Variants in RSPO2 observed in about 807,000 individuals in gnomAD.
RSPO2 encodes R-spondin 2.
Under a neutral mutation model 30.9 loss-of-function variants are expected in RSPO2, and 14 were observed. That is an observed-to-expected ratio of 0.45 (90% CI 0.30 to 0.71). The LOEUF is 0.71. RSPO2 is among the 30% of genes least tolerant of loss of function. The pLI is 0.08. For missense variants in RSPO2, 264 were observed against 301.9 expected, an observed-to-expected ratio of 0.87 and a Z score of 0.93; for synonymous variants, 107 against 96.4, an observed-to-expected ratio of 1.11 and a Z score of -0.64.
intron 5 of RSPO2, among the ~76,000 whole-genome samples, chr8:107,953,882 C>CAT (rs945068234): frequency 9.2e-5 from 14 of 152,316 alleles, no homozygotes; most frequent in Middle Eastern, 3.4e-3. Context: ...GATCACTCTA[C>CAT]ATAACATAGT....
chr8:108,027,504 C>T (rs1262944197), intron 2 of RSPO2, among the ~76,000 whole-genome samples: 1 of 152,062 alleles, frequency 6.6e-6, no homozygotes, highest in Admixed American at 6.6e-5. Flanking sequence ...TTTCAAGAAA[C>T]TTACTAGAAA....
At chr8:107,982,527 T>C (rs868451996) in intron 3 of RSPO2, among the ~76,000 whole-genome samples, 1 of 152,174 alleles carries the variant, frequency 6.6e-6, no homozygotes, top group Non-Finnish European at 1.5e-5. Context: ...TTATGTCTCC[T>C]GTCACTCACA....
intron 2 of RSPO2, among the ~76,000 whole-genome samples, chr8:108,049,337 C>A (rs1490718313): frequency 6.6e-6 from 1 of 151,880 alleles, no homozygotes; most frequent in Non-Finnish European, 1.5e-5. Flanking sequence ...CAAAATGACC[C>A]TTGTTTTTTG....
At chr8:108,039,295 GTAATAT>G (rs1342614766) in intron 2 of RSPO2, among the ~76,000 whole-genome samples, 3 of 151,950 alleles carry the variant, frequency 2.0e-5, no homozygotes, top group Admixed American at 2.0e-4. Flanking sequence ...CTACTTAATA[GTAATAT>G]TAATTCCCAG....
chr8:107,950,748 A>G (rs1813214479), intron 5 of RSPO2, among the ~76,000 whole-genome samples: 1 of 122,462 alleles, frequency 8.2e-6, no homozygotes, highest in Admixed American at 8.0e-5. Context: ...AGGTTAATTA[A>G]TGGTAAAAAA....
At chr8:107,960,275 T>A (rs914731710) in intron 4 of RSPO2, among the ~76,000 whole-genome samples, 6 of 152,018 alleles carry the variant, frequency 3.9e-5, no homozygotes, top group Admixed American at 2.0e-4. Flanking sequence ...AACAAACAGC[T>A]AAGCAAGCAG....
At chr8:107,923,712 T>C (rs1280156955) in intron 5 of RSPO2, among the ~76,000 whole-genome samples, 3 of 152,084 alleles carry the variant, frequency 2.0e-5, no homozygotes, top group South Asian at 2.1e-4. Flanking sequence ...ATGTAGTACA[T>C]ATATACCATG....
Position 108,053,536 on chromosome 8 carries a change from T to C in RSPO2, c.94+29009A>G, listed in dbSNP as rs536185026. 9.9e-5 allele frequency among the ~76,000 whole-genome samples: 15 copies of C among 152,270 alleles called. No individual in the cohort carries two copies. The East Asian group carries it at 2.3e-3, about 24-fold the overall frequency. The stretch of plus-strand genomic sequence containing the variant: ...TCTTGAAAAAGCCAATGATTTACAC[T>C]ATATAATAAAAGCAGACATTACTTC... On this transcript the variant is annotated intron_variant, in intron 2 of 5. Transcript: ENST00000276659.
At chr8:108,032,351 C>T (rs1811449154) in intron 2 of RSPO2, among the ~76,000 whole-genome samples, 1 of 152,138 alleles carries the variant, frequency 6.6e-6, no homozygotes, top group African/African-American at 2.4e-5. Flanking sequence ...AAATGATGAA[C>T]TCCTTGAGAG....
intron 2 of RSPO2, among the ~76,000 whole-genome samples, chr8:108,047,442 C>G: frequency 6.6e-6 from 1 of 152,224 alleles, no homozygotes; most frequent in South Asian, 2.1e-4. Flanking sequence ...TTCAAAATAC[C>G]TTAGGAAAAT....
chr8:107,916,013 AAG>A (rs1162705336), intron 5 of RSPO2, among the ~76,000 whole-genome samples: 2 of 152,140 alleles, frequency 1.3e-5, no homozygotes, highest in Non-Finnish European at 2.9e-5. Flanking sequence ...GAATCCAACT[AAG>A]AAACTGGCAA....
At chr8:108,059,528 C>T (rs139775885) in intron 2 of RSPO2, among the ~76,000 whole-genome samples, 2,173 of 151,028 alleles carry the variant, frequency 0.014, 72 homozygotes, top group African/African-American at 0.049. Context: ...CTATAAATCA[C>T]GCTGCTATAA....
rs545241145 is a variant in RSPO2, at chr8:107,903,101, CAATTAT to C, written c.617-1917_617-1912del. 6.3e-4 allele frequency among the ~76,000 whole-genome samples: 96 copies of C among 152,100 alleles called. 1 individual carries two copies. In the East Asian group the frequency reaches 0.015, roughly 24 times the overall value. On this transcript the variant is annotated intron_variant, in intron 5 of 5. Coordinates refer to ENST00000276659, the MANE Select transcript of RSPO2 (RefSeq NM_178565.5). Reference sequence around the variant, plus strand: ...AAAATATAGCATATTTTAAAAGCTTCAATTATAAAGTGTTATGAAGAAGTTTTTGTT... The same window carrying C: ...AAAATATAGCATATTTTAAAAGCTTCAAAGTGTTATGAAGAAGTTTTTGTT...
At chr8:108,010,742 C>G (rs1244501231) in intron 2 of RSPO2, among the ~76,000 whole-genome samples, 1 of 152,072 alleles carries the variant, frequency 6.6e-6, no homozygotes, top group Non-Finnish European at 1.5e-5. Flanking sequence ...CCATCGCTTT[C>G]CCTCCCCTGG....
intron 5 of RSPO2, among the ~76,000 whole-genome samples, chr8:107,951,050 T>TTTGTTG (rs748285222): frequency 3.2e-4 from 22 of 69,798 alleles, no homozygotes; most frequent in African/African-American, 8.8e-4. Context: ...TAAGTTTTTT[T>TTTGTTG]TTGTTGTTGT....
rs1192406484 is a variant in RSPO2 at position 107,948,664 on chromosome 8, C to T, written c.616+9416G>A. ...CACAAGGTCAGGAGATCAAGACCAT[C>T]CTGGCTAACACGGTGAAACCCTATC... On this transcript the variant is annotated intron_variant, in intron 5 of 5. Transcript: ENST00000276659. Among the ~76,000 whole-genome samples, 48 of 152,056 alleles carry T rather than the reference C, an allele frequency of 3.2e-4. 1 individual carries two copies. The highest frequency in any genetic ancestry group is 3.1e-3 in the Admixed American group (48 of 15,258).
At chr8:108,067,902 C>T (rs533159947) in intron 2 of RSPO2, among the ~76,000 whole-genome samples, 1 of 152,174 alleles carries the variant, frequency 6.6e-6, no homozygotes, top group African/African-American at 2.4e-5. Flanking sequence ...AGCCCTGTCT[C>T]TACTAAAAAT....
At chr8:108,015,386 C>A (rs571561714) in intron 2 of RSPO2, among the ~76,000 whole-genome samples, 2 of 152,194 alleles carry the variant, frequency 1.3e-5, no homozygotes, top group Non-Finnish European at 2.9e-5. Context: ...GTGTCACAAA[C>A]CCTATCTTGA....
At chr8:108,016,351 G>A (rs929052717) in intron 2 of RSPO2, among the ~76,000 whole-genome samples, 3 of 152,142 alleles carry the variant, frequency 2.0e-5, no homozygotes, top group Non-Finnish European at 2.9e-5. Context: ...TTATGCTGAT[G>A]GGAAATCCCA....
Sources: gnomAD v4.1 joint callset for allele counts (sites outside exome capture counted in the v4.1 genomes callset) on GRCh38, gnomAD v4.1.1 for gene constraint, MANE v1.5 for transcripts, NCBI Gene and HGNC (gene_info 2026-07-23, HGNC 2026-07-21) for gene names.